Variants in PERP observed in about 807,000 individuals in gnomAD.
PERP encodes the protein p53 apoptosis effector related to PMP-22.
A neutral mutation model predicts 20.3 loss-of-function variants in PERP; 11 were observed. That is an observed-to-expected ratio of 0.54 (90% confidence interval 0.34 to 0.90). PERP has a LOEUF of 0.90. Ranked by LOEUF, PERP falls within the 40% of genes least tolerant of loss-of-function variation. The probability of loss-of-function intolerance (pLI) is 0.02; values close to 1 mark genes in which losing one functional copy is unlikely to be tolerated. For missense variants in PERP, 224 were observed against 249.4 expected, an observed-to-expected ratio of 0.90 and a Z score of 0.69; for synonymous variants, 101 against 102.0, an observed-to-expected ratio of 0.99 and a Z score of 0.06.
At chr6:138,102,962 G>T (rs1207991235) in intron 1 of PERP, among the ~76,000 whole-genome samples, 1 of 151,714 alleles carries the variant, frequency 6.6e-6, no homozygotes, top group East Asian at 2.0e-4. Flanking sequence ...AGCCGGGCGT[G>T]GTGGCGGGCG....
At chr6:138,096,520 T>G (rs544392582) in intron 1 of PERP, 26 bp from the exon 2 acceptor site, 1 of 1,595,330 alleles carries the variant, frequency 6.3e-7, no homozygotes, top group African/African-American at 1.3e-5. Context: ...AAACAGCAAT[T>G]AACAAGACAG....
At chr6:138,103,480 C>T (rs949044982) in intron 1 of PERP, among the ~76,000 whole-genome samples, 1 of 152,086 alleles carries the variant, frequency 6.6e-6, no homozygotes, top group East Asian at 1.9e-4. Flanking sequence ...TTCCCTACCC[C>T]ACTCCCCACT....
At chr6:138,105,406 A>C (rs1238193824) in intron 1 of PERP, among the ~76,000 whole-genome samples, 1 of 152,242 alleles carries the variant, frequency 6.6e-6, no homozygotes, top group East Asian at 1.9e-4. Flanking sequence ...AAGAAAAAAA[A>C]CCTGCTTATT....
chr6:138,100,548 G>C (rs577749202), intron 1 of PERP, among the ~76,000 whole-genome samples: 1 of 151,468 alleles, frequency 6.6e-6, no homozygotes, highest in Non-Finnish European at 1.5e-5. Flanking sequence ...AGATTTGTGT[G>C]TGTGTGTGTG....
At chr6:138,093,117 G>A (rs901727730) in intron 2 of PERP, among the ~76,000 whole-genome samples, 56 of 152,224 alleles carry the variant, frequency 3.7e-4, no homozygotes, top group African/African-American at 1.2e-3. Flanking sequence ...CTTTTTCAAT[G>A]GACATGCATG....
chr6:138,106,047 C>T (rs555082575), intron 1 of PERP, among the ~76,000 whole-genome samples: 5 of 152,156 alleles, frequency 3.3e-5, no homozygotes, highest in East Asian at 3.9e-4. Context: ...CCCCCGGAAA[C>T]ACAAATAAAC....
intron 2 of PERP, among the ~76,000 whole-genome samples, chr6:138,093,120 C>T (rs1210928276): frequency 6.6e-6 from 1 of 152,146 alleles, no homozygotes; most frequent in Non-Finnish European, 1.5e-5. Flanking sequence ...TTTCAATGGA[C>T]ATGCATGATT....
rs150677610 is a variant in PERP, at chr6:138,102,886, T to C, written c.214+4241A>G. On this transcript the variant is annotated intron_variant, in intron 1 of 2. Coordinates refer to ENST00000421351, the MANE Select transcript of PERP (RefSeq NM_022121.5). ...AGGCCGAGGTGGGCGGATCACGAGG[T>C]CAGGAGATCCAGACCATCCTGGTTA... is the stretch of plus-strand genomic sequence containing the variant. Among the ~76,000 whole-genome samples, 721 of 151,924 alleles carry C rather than the reference T, an allele frequency of 4.7e-3. 6 individuals are homozygous for C. Among genetic ancestry groups the C allele is most frequent in the African/African-American group, 0.016 (674 of 41,452 alleles).
Position 138,090,003 on chromosome 6 carries a change from G to A in PERP, c.*2039C>T, listed in dbSNP as rs980096407. The A allele has an allele frequency of 1.3e-5, 2 of 152,124 alleles. No individual in the cohort carries two copies. Among genetic ancestry groups the A allele is most frequent in the Admixed American group, 6.6e-5 (1 of 15,264 alleles). 9.4% of individuals were successfully genotyped at this position (152,124 alleles called of 1,614,324 possible). On this transcript the variant is annotated 3_prime_UTR_variant, in exon 3 of 3. Transcript: ENST00000421351. Reference sequence around the variant, plus strand: ...ATTTTCATGTTTAACAGGAGACCACGTTTCTTAATCTCTAGATATCCAGTA... The same window carrying A: ...ATTTTCATGTTTAACAGGAGACCACATTTCTTAATCTCTAGATATCCAGTA...
At chr6:138,096,679 T>C (rs1259389627) in intron 1 of PERP, among the ~76,000 whole-genome samples, 185 bp from the exon 2 acceptor site, 1 of 152,216 alleles carries the variant, frequency 6.6e-6, no homozygotes, top group East Asian at 1.9e-4. Context: ...GCAATTCATA[T>C]GTAGGACATT....
At chr6:138,106,934 T>G (rs1312821755) in intron 1 of PERP, among the ~76,000 whole-genome samples, 193 bp downstream of exon 1, 1 of 144,236 alleles carries the variant, frequency 6.9e-6, no homozygotes, top group African/African-American at 2.6e-5. Flanking sequence ...GAGCTTGGTG[T>G]TGGCCACCCA....
rs1419010587 is a variant in PERP, at chr6:138,090,245, A to G, written c.*1797T>C. ...TGCCAAGGACTAGCTGGCCAACAGTAGCCCTAGGGAGATATATTTCCGTTC... is the reference window on the plus strand; with the variant it reads ...TGCCAAGGACTAGCTGGCCAACAGTGGCCCTAGGGAGATATATTTCCGTTC... On this transcript the variant is annotated 3_prime_UTR_variant, in exon 3 of 3. Transcript: ENST00000421351. 6.6e-6 allele frequency: 1 copy of G among 152,184 alleles called. No individual in the cohort carries two copies. Among genetic ancestry groups the G allele is most frequent in the African/African-American group, 2.4e-5 (1 of 41,440 alleles). 9.4% of individuals were successfully genotyped at this position (152,184 alleles called of 1,614,324 possible). A position where few individuals can be genotyped will look rare whatever the true frequency, so the allele number is the denominator to read the frequency against.
rs755922156 is a variant in PERP at position 138,107,192 on chromosome 6, T to G, written c.149A>C (p.Lys50Thr). Residue 50 changes from lysine to threonine, a missense_variant, in exon 1 of 3, where the codon AAA becomes ACA. By Grantham distance (78) the Lys-to-Thr change is moderately conservative (BLOSUM62 -1). Transcript: ENST00000421351. The surrounding 1 kb of genome is among the most constrained non-coding windows in gnomAD (Gnocchi z 4.8). ...GCTGCCGCCGCCCTCTTGGGAGCATTTCCACCACAGCGAGGACGTCTGGCC... is the reference window on the plus strand; with the variant it reads ...GCTGCCGCCGCCCTCTTGGGAGCATGTCCACCACAGCGAGGACGTCTGGCC... Reference protein sequence around the residue: ...DHGQTSSLWWKCSQEGGGSGS... With the variant: ...DHGQTSSLWWTCSQEGGGSGS... The G allele has an allele frequency of 6.2e-7, 1 of 1,612,170 alleles. No homozygotes were observed. The highest frequency in any genetic ancestry group is 8.5e-7 in the Non-Finnish European group (1 of 1,179,594).
intron 1 of PERP, among the ~76,000 whole-genome samples, chr6:138,106,755 C>CAA (rs375918162): frequency 0.01 from 1,542 of 151,972 alleles, 31 homozygotes; most frequent in African/African-American, 0.035. Context: ...TAAGAAGAAA[C>CAA]GAGAAGGAAG....
intron 1 of PERP, among the ~76,000 whole-genome samples, chr6:138,102,873 G>A (rs1395843149): frequency 6.6e-6 from 1 of 152,026 alleles, no homozygotes; most frequent in Non-Finnish European, 1.5e-5. Flanking sequence ...GCCGAGGTGG[G>A]CGGATCACGA....
chr6:138,104,195 C>T (rs1214821655), intron 1 of PERP, among the ~76,000 whole-genome samples: 2 of 152,204 alleles, frequency 1.3e-5, no homozygotes, highest in Non-Finnish European at 2.9e-5. Flanking sequence ...TATGAGTGAA[C>T]ATGCATTTAA....
At chr6:138,102,983 G>C (rs1032852814) in intron 1 of PERP, among the ~76,000 whole-genome samples, 2 of 151,434 alleles carry the variant, frequency 1.3e-5, no homozygotes, top group Non-Finnish European at 2.9e-5. Flanking sequence ...CCTGTAGTCC[G>C]AGCTACTCGG....
At chr6:138,099,341 G>T (rs1212209205) in intron 1 of PERP, among the ~76,000 whole-genome samples, 2 of 151,924 alleles carry the variant, frequency 1.3e-5, no homozygotes, top group Non-Finnish European at 2.9e-5. Flanking sequence ...CATTTCTTTA[G>T]TTTTTTTTAA....
chr6:138,106,662 G>T (rs1246166549), intron 1 of PERP, among the ~76,000 whole-genome samples: 2 of 152,164 alleles, frequency 1.3e-5, no homozygotes, highest in African/African-American at 2.4e-5. Context: ...TTTTAAATGA[G>T]AAAGTTTTTT....
Sources: allele counts gnomAD v4.1 joint callset (sites outside exome capture counted in the v4.1 genomes callset), GRCh38; gene constraint gnomAD v4.1.1; non-coding constraint Gnocchi (gnomAD v3.1); transcripts MANE v1.5; gene names NCBI Gene and HGNC (gene_info 2026-07-23, HGNC 2026-07-21).